Variants in MOSPD2 observed in about 807,000 individuals in gnomAD.
MOSPD2 encodes the protein motile sperm domain-containing protein 2.
In MOSPD2, 5 loss-of-function variants were observed where a neutral mutation model predicts 41.7. The observed-to-expected ratio is 0.12, with a 90% CI of 0.06 to 0.25. The LOEUF (loss-of-function observed/expected upper bound fraction) is 0.25. MOSPD2 is among the 10% of genes least tolerant of loss of function. The pLI, the probability that MOSPD2 is intolerant of heterozygous loss-of-function variation, is 1.00. For missense variants in MOSPD2, 282 were observed against 375.2 expected (o/e 0.75, Z 2.05); for synonymous variants, 115 against 126.9 (o/e 0.91, Z 0.63).
At chrX:14,877,340 A>C (rs761204085) in intron 2 of MOSPD2, among the ~76,000 whole-genome samples, 1 of 111,487 alleles carries the variant, frequency 9.0e-6, no homozygotes, top group Non-Finnish European at 1.9e-5. Flanking sequence ...CATTGTTTAC[A>C]GTCTTTTTTC....
At chrX:14,890,114 A>G (rs762536561) in intron 2 of MOSPD2, among the ~76,000 whole-genome samples, 1 of 111,698 alleles carries the variant, frequency 9.0e-6, no homozygotes, top group South Asian at 3.7e-4. Context: ...CACAGAAGCA[A>G]TGATGTGTAA....
At position 14,919,835 on chromosome X, in the gene MOSPD2, G is replaced by A. The variant is rs778232084; in HGVS notation, c.*26G>A. On this transcript the variant is annotated 3_prime_UTR_variant, in exon 15 of 15. Transcript: ENST00000380492. ...AGAAGTGGTGCCGGGTAGGAACCAC[G>A]GTTCCTTCGTCCATTAGTTGGAAAA... 5 of 1,185,087 alleles carry A rather than the reference G, an allele frequency of 4.2e-6. No homozygotes were observed. The highest frequency in any genetic ancestry group is 6.0e-5 in the East Asian group (2 of 33,069).
At chrX:14,893,142 A>G (rs2092557009) in intron 3 of MOSPD2, 1 of 219,206 alleles carries the variant, frequency 4.6e-6, no homozygotes, top group Non-Finnish European at 8.3e-6. Context: ...TCTGTGTTTA[A>G]TTCAGTACCA....
At position 14,899,270 on chromosome X, in the gene MOSPD2, T is replaced by C. The variant is rs144259845; in HGVS notation, c.478-1305T>C. 4.7e-4 allele frequency among the ~76,000 whole-genome samples: 51 copies of C among 108,395 alleles called. 2 individuals are homozygous for C. The East Asian group carries it at 0.014, about 30-fold the overall frequency. 94.1% of individuals were successfully genotyped at this position (108,395 alleles called of 115,157 possible). ...AATACACCAGTGACATCTTATCATA[T>C]CCACTTGAATTAGCAGTAACTCACG... On this transcript the variant is annotated intron_variant, in intron 5 of 14. Coordinates refer to ENST00000380492, the MANE Select transcript of MOSPD2 (RefSeq NM_152581.4).
In MOSPD2 at chrX:14,914,539, C is replaced by T. The variant is rs138969763; in HGVS notation, c.1029C>T (p.Ser343=). 60 of 1,194,493 alleles carry T rather than the reference C, an allele frequency of 5.0e-5. No homozygotes were observed. The highest frequency in any genetic ancestry group is 3.5e-4 in the South Asian group (19 of 54,846). The change falls in exon 11 of 15, where the codon TCC becomes TCT. Residue 343 remains serine (S), a synonymous_variant. Coordinates refer to ENST00000380492, the MANE Select transcript of MOSPD2 (RefSeq NM_152581.4). ...AEELYFGSTE[S]GEKKTLIVLT... Reference sequence around the variant, plus strand: ...AACTGTACTTTGGAAGTACAGAATCCGGAGAGAAGAAAACCTTAATAGTGT... The same window carrying T: ...AACTGTACTTTGGAAGTACAGAATCTGGAGAGAAGAAAACCTTAATAGTGT...
At chrX:14,910,490 T>C (rs185526351) in intron 8 of MOSPD2, among the ~76,000 whole-genome samples, 1 of 112,240 alleles carries the variant, frequency 8.9e-6, no homozygotes, top group African/African-American at 3.2e-5. Context: ...TTAATCACTC[T>C]TCTTTTAAAG....
intron 2 of MOSPD2, among the ~76,000 whole-genome samples, chrX:14,882,397 TCAGA>T (rs1285890191): frequency 1.8e-4 from 20 of 111,256 alleles, no homozygotes; most frequent in Admixed American, 5.7e-4. Context: ...AAAATTTCAA[TCAGA>T]CAGGAGGAAT....
Position 14,914,568 on chromosome X carries a change from C to A in MOSPD2, c.1058C>A (p.Thr353Lys). The A allele has an allele frequency of 8.6e-7, 1 of 1,156,618 alleles. No individual in the cohort carries two copies. Among genetic ancestry groups the A allele is most frequent in the Non-Finnish European group, 1.2e-6 (1 of 853,357 alleles). Residue 353 changes from threonine (T) to lysine (K), a missense_variant, in exon 11 of 15, where the codon ACA (threonine) becomes AAA (lysine). Transcript: ENST00000380492. ...SGEKKTLIVL[T>K]NVTKNIVAFK... ...GAGAAGAAAACCTTAATAGTGTTGA[C>A]AAATGTAACTAAAAATATAGTGGCA...
intron 10 of MOSPD2, among the ~76,000 whole-genome samples, chrX:14,912,889 T>C (rs1228860267): frequency 8.9e-6 from 1 of 112,291 alleles, no homozygotes; most frequent in Non-Finnish European, 1.9e-5. Context: ...TTGGTAAATA[T>C]ATTTTGCCTT....
At chrX:14,883,288 G>C (rs2092535240) in intron 2 of MOSPD2, among the ~76,000 whole-genome samples, 1 of 111,634 alleles carries the variant, frequency 9.0e-6, no homozygotes, top group Non-Finnish European at 1.9e-5. Flanking sequence ...CATGAGAGGA[G>C]TGGTCTGTTT....
In MOSPD2 at chrX:14,908,894, A is replaced by G. The variant is rs377536230; in HGVS notation, c.612A>G (p.Pro204=). Residue 204 remains proline, a synonymous_variant, in exon 8 of 15, where the codon CCA becomes CCG. Coordinates refer to ENST00000380492, the MANE Select transcript of MOSPD2 (RefSeq NM_152581.4). Reference sequence around the variant, plus strand: ...AAATTGTGAAAACCTGGCTTGGTCCAGAAGCAGTGAGCTTGTTGAAGTTTA... The same window carrying G: ...AAATTGTGAAAACCTGGCTTGGTCCGGAAGCAGTGAGCTTGTTGAAGTTTA... ...AFKIVKTWLG[P]EAVSLLKFTS... is the part of the protein sequence containing the mutation. 18 of 1,196,712 alleles carry G rather than the reference A, an allele frequency of 1.5e-5. No homozygotes were observed. Among genetic ancestry groups the G allele is most frequent in the Non-Finnish European group, 1.9e-5 (17 of 885,894 alleles).
intron 2 of MOSPD2, among the ~76,000 whole-genome samples, chrX:14,883,072 G>A (rs1361211182): frequency 1.8e-5 from 2 of 110,505 alleles, no homozygotes; most frequent in African/African-American, 6.6e-5. Flanking sequence ...GTGGGTGCCT[G>A]TAATCCCAGC....
At position 14,879,248 on chromosome X, in the gene MOSPD2, C is replaced by A. The variant is rs190147828; in HGVS notation, c.79+5490C>A. 1.7e-4 allele frequency among the ~76,000 whole-genome samples: 19 copies of A among 111,755 alleles called. No homozygotes were observed. In the East Asian group the frequency reaches 4.0e-3, roughly 23 times the overall value. ...GTATCATGTACAGTATAGCTATGAACATCCTTATACATGTCTGGTGCACAC... is the reference window on the plus strand; with the variant it reads ...GTATCATGTACAGTATAGCTATGAAAATCCTTATACATGTCTGGTGCACAC... On this transcript the variant is annotated intron_variant, in intron 2 of 14. Coordinates refer to ENST00000380492, the MANE Select transcript of MOSPD2 (RefSeq NM_152581.4).
intron 3 of MOSPD2, 90 bp downstream of exon 3, chrX:14,892,968 C>A: frequency 1.6e-6 from 1 of 642,488 alleles, no homozygotes; most frequent in Non-Finnish European, 2.3e-6. Flanking sequence ...GCACATATTC[C>A]TAGCAGTCAT....
chrX:14,907,402 A>G (rs372458438), intron 7 of MOSPD2, among the ~76,000 whole-genome samples: 1 of 112,395 alleles, frequency 8.9e-6, no homozygotes, highest in East Asian at 2.8e-4. Flanking sequence ...AAAAACTTGT[A>G]CACAAATGTT....
chrX:14,917,464 A>G (rs1341937579), intron 13 of MOSPD2, among the ~76,000 whole-genome samples: 1 of 111,550 alleles, frequency 9.0e-6, no homozygotes, highest in Non-Finnish European at 1.9e-5. Context: ...GCGAGAGGAA[A>G]AACTATTAGT....
chrX:14,897,431 A>G (rs1402683503), intron 5 of MOSPD2, among the ~76,000 whole-genome samples, 193 bp downstream of exon 5: 2 of 111,772 alleles, frequency 1.8e-5, no homozygotes, highest in Admixed American at 1.9e-4. Flanking sequence ...TTGTTTCTGT[A>G]TTTGGCGTTG....
At chrX:14,877,364 C>G (rs1034969928) in intron 2 of MOSPD2, among the ~76,000 whole-genome samples, 1 of 109,996 alleles carries the variant, frequency 9.1e-6, no homozygotes, top group Non-Finnish European at 1.9e-5. Flanking sequence ...TTTTTCGAGA[C>G]GGAGTTTCGC....
chrX:14,890,138 C>T (rs1183468122), intron 2 of MOSPD2, among the ~76,000 whole-genome samples: 1 of 111,054 alleles, frequency 9.0e-6, no homozygotes, highest in Admixed American at 9.6e-5. Context: ...GTACTGGCTG[C>T]TTCGCCCAAA....
Sources: gnomAD v4.1 joint callset for allele counts (sites outside exome capture counted in the v4.1 genomes callset) on GRCh38, gnomAD v4.1.1 for gene constraint, MANE v1.5 for transcripts, NCBI Gene and HGNC (gene_info 2026-07-23, HGNC 2026-07-21) for gene names.